Variants in NXN observed in about 807,000 individuals in gnomAD.
NXN encodes the protein nucleoredoxin 1.
NXN carries 16 observed loss-of-function variants against 48.6 expected under a neutral mutation model. The ratio of observed to expected loss-of-function variants is 0.33; its 90% CI spans 0.22 to 0.50. The LOEUF is 0.50. Ranked by LOEUF, NXN falls within the 20% of genes least tolerant of loss-of-function variation. NXN has a pLI of 0.98. For synonymous variants in NXN, 281 were observed against 269.6 expected, an observed-to-expected ratio of 1.04 and a Z score of -0.41; for missense variants, 492 against 605.5, an observed-to-expected ratio of 0.81 and a Z score of 1.97.
chr17:905,789 C>A (rs1056652082), intron 1 of NXN, among the ~76,000 whole-genome samples: 2 of 152,048 alleles, frequency 1.3e-5, no homozygotes, highest in East Asian at 3.9e-4. Context: ...TCAGCCTGGG[C>A]AACAAAGCGA....
intron 1 of NXN, chr17:842,514 A>G (rs904858044): frequency 1.3e-5 from 13 of 985,306 alleles, no homozygotes; most frequent in Middle Eastern, 5.2e-4. Flanking sequence ...CGCGTCTCAC[A>G]TGCAACCCAC....
At chr17:837,090 C>G (rs1015012117) in intron 1 of NXN, among the ~76,000 whole-genome samples, 1 of 152,094 alleles carries the variant, frequency 6.6e-6, no homozygotes, top group Non-Finnish European at 1.5e-5. Flanking sequence ...GTGATCCCCC[C>G]ACCTCAGCCT....
At chr17:859,713 G>T (rs7209784) in intron 1 of NXN, among the ~76,000 whole-genome samples, 2 of 152,120 alleles carry the variant, frequency 1.3e-5, no homozygotes, top group Non-Finnish European at 2.9e-5. Flanking sequence ...CATCAAACGC[G>T]ATTCAATGGA....
intron 1 of NXN, among the ~76,000 whole-genome samples, chr17:948,634 T>C (rs7223833): frequency 0.029 from 4,461 of 152,056 alleles, 189 homozygotes; most frequent in African/African-American, 0.087. Context: ...GTGAAAACCA[T>C]CACTCGGTGC....
At chr17:877,178 C>T (rs1367508556) in intron 1 of NXN, among the ~76,000 whole-genome samples, 3 of 151,828 alleles carry the variant, frequency 2.0e-5, no homozygotes, top group African/African-American at 7.3e-5. Flanking sequence ...GACGGAGTCT[C>T]ACTCTGTCGC....
intron 1 of NXN, among the ~76,000 whole-genome samples, chr17:953,946 G>A (rs746742727): frequency 2.0e-5 from 3 of 152,202 alleles, no homozygotes; most frequent in Non-Finnish European, 4.4e-5. Context: ...GTGCATGCAC[G>A]TGGTCGTGTG....
chr17:954,609 C>A (rs57245330), intron 1 of NXN, among the ~76,000 whole-genome samples: 2 of 152,236 alleles, frequency 1.3e-5, no homozygotes, highest in Admixed American at 1.3e-4. Flanking sequence ...CTGATTCCCA[C>A]GACCCCAGGC....
At chr17:843,198 G>T (rs527343655) in intron 1 of NXN, among the ~76,000 whole-genome samples, 1 of 152,204 alleles carries the variant, frequency 6.6e-6, no homozygotes, top group Non-Finnish European at 1.5e-5. Flanking sequence ...TGTGCCGAAC[G>T]CAAAGTATTT....
chr17:947,491 A>T (rs2069056314), intron 1 of NXN, among the ~76,000 whole-genome samples: 1 of 151,440 alleles, frequency 6.6e-6, no homozygotes, highest in East Asian at 1.9e-4. Flanking sequence ...CCAGCAATGC[A>T]GGAGGCCGAG....
In NXN at chr17:853,721, ATATT is replaced by A. The variant is rs1166086119; in HGVS notation, c.361-27647_361-27644del. Among the ~76,000 whole-genome samples the A allele has an allele frequency of 1.7e-3, 174 of 105,140 alleles. 2 individuals are homozygous for A. Among genetic ancestry groups the A allele is most frequent in the African/African-American group, 7.7e-3 (161 of 20,812 alleles). 69.0% of individuals were successfully genotyped at this position (105,140 alleles called of 152,430 possible). ...TATACACATATATATATATATATAT[ATATT>A]TTTTTTTTTTTTTCCAAGACGGAGT... On this transcript the variant is annotated intron_variant, in intron 1 of 7. Transcript: ENST00000336868.
At chr17:943,229 G>C (rs902561001) in intron 1 of NXN, among the ~76,000 whole-genome samples, 1 of 152,154 alleles carries the variant, frequency 6.6e-6, no homozygotes, top group Non-Finnish European at 1.5e-5. Context: ...CTTTAAATCT[G>C]TCAACTGAGG....
chr17:973,985 G>C (rs1313351952), intron 1 of NXN, among the ~76,000 whole-genome samples: 1 of 151,718 alleles, frequency 6.6e-6, no homozygotes, highest in Non-Finnish European at 1.5e-5. Context: ...GGCCATTGTA[G>C]GGCAATTTTT....
At position 813,027 on chromosome 17, in the gene NXN, G is replaced by A. The variant is rs1292503160; in HGVS notation, c.820+6412C>T. On this transcript the variant is annotated intron_variant, in intron 5 of 7. Transcript: ENST00000336868. ...GCATGTGTGTAGGTTGTGTGCACGC[G>A]TGTGTGAATGTGTGAGCGTGTGTGT... 1.3e-4 allele frequency among the ~76,000 whole-genome samples: 20 copies of A among 151,394 alleles called. No individual in the cohort carries two copies. In the East Asian group the frequency reaches 1.3e-3, roughly 10 times the overall value.
chr17:864,205 C>G, intron 1 of NXN: 2 of 1,140,440 alleles, frequency 1.8e-6, no homozygotes. Flanking sequence ...GTGAAGGGCA[C>G]AGGATGGGCA....
chr17:815,798 T>C (rs375012175), intron 5 of NXN, among the ~76,000 whole-genome samples: 2 of 152,198 alleles, frequency 1.3e-5, no homozygotes, highest in Admixed American at 6.5e-5. Context: ...CTCCGGATCA[T>C]GTGTGAGGGG....
At chr17:875,578 T>C (rs2068204886) in intron 1 of NXN, among the ~76,000 whole-genome samples, 3 of 151,894 alleles carry the variant, frequency 2.0e-5, no homozygotes, top group Non-Finnish European at 4.4e-5. Flanking sequence ...ATAGGGTTTT[T>C]TTGTTGTTTT....
chr17:857,462 T>C (rs2067998080), intron 1 of NXN, among the ~76,000 whole-genome samples: 1 of 152,132 alleles, frequency 6.6e-6, no homozygotes, highest in Non-Finnish European at 1.5e-5. Flanking sequence ...GGTTTTGCCA[T>C]GTTGGCCAGG....
rs1555612218 is a variant in NXN at position 836,963 on chromosome 17, C to CTGTTATTATTATTATTATTAT, written c.361-10886_361-10885insATAATAATAATAATAATAACA. Among the ~76,000 whole-genome samples the CTGTTATTATTATTATTATTAT allele has an allele frequency of 3.5e-5, 5 of 144,920 alleles. No individual in the cohort carries two copies. The East Asian group carries it at 6.2e-4, about 18-fold the overall frequency. On this transcript the variant is annotated intron_variant, in intron 1 of 7. Coordinates refer to ENST00000336868, the MANE Select transcript of NXN (RefSeq NM_022463.5). The stretch of plus-strand genomic sequence containing the variant: ...TGAGCCACCACACCTAGCTTAGTTG[C>CTGTTATTATTATTATTATTAT]TATTATTATTATTATTATTATTATT...
chr17:830,168 T>C lies in NXN; in HGVS notation c.361-4090A>G, dbSNP rs1399466004. Among the ~76,000 whole-genome samples, 1 of 152,188 alleles carries C rather than the reference T, an allele frequency of 6.6e-6. No homozygotes were observed. The highest frequency in any genetic ancestry group is 2.4e-5 in the African/African-American group (1 of 41,442). The stretch of plus-strand genomic sequence containing the variant: ...TCAGCACCCTGTGCTTTCCCCGCTA[T>C]GTTTTGTAACTGGTAAGAGCTGAAA... On this transcript the variant is annotated intron_variant, in intron 1 of 7. Coordinates refer to ENST00000336868, the MANE Select transcript of NXN (RefSeq NM_022463.5). The surrounding 1 kb of genome is among the most constrained non-coding windows in gnomAD (Gnocchi z 4.2).
Sources: gnomAD v4.1 joint callset for allele counts (sites outside exome capture counted in the v4.1 genomes callset) on GRCh38, gnomAD v4.1.1 for gene constraint, Gnocchi (gnomAD v3.1) non-coding constraint, MANE v1.5 for transcripts, NCBI Gene and HGNC (gene_info 2026-07-23, HGNC 2026-07-21) for gene names.